The following PLXDC2 variants were observed in gnomAD, a reference collection of about 807,000 sequenced individuals.
PLXDC2 encodes the protein plexin domain-containing protein 2.
A neutral mutation model predicts 68.9 loss-of-function variants in PLXDC2; 40 were observed. The ratio of observed to expected loss-of-function variants is 0.58; its 90% CI spans 0.45 to 0.76. The LOEUF (loss-of-function observed/expected upper bound fraction) is 0.76, where lower values mean the gene tolerates loss of function less well. Ranked by LOEUF, PLXDC2 falls within the 30% of genes least tolerant of loss-of-function variation. PLXDC2 has a pLI of 0.00. For missense variants in PLXDC2, 644 were observed against 661.9 expected (o/e 0.97, Z 0.30); for synonymous variants, 243 against 234.2 (o/e 1.04, Z -0.34).
At chr10:20,147,054 A>C (rs1019395350) in intron 5 of PLXDC2, among the ~76,000 whole-genome samples, 6 of 152,166 alleles carry the variant, frequency 3.9e-5, no homozygotes, top group African/African-American at 1.4e-4. Flanking sequence ...TAAAACAAAA[A>C]TTTGAATTCT....
chr10:19,872,826 A>T (rs1259682031), intron 1 of PLXDC2, among the ~76,000 whole-genome samples: 1 of 151,880 alleles, frequency 6.6e-6, no homozygotes, highest in Admixed American at 6.6e-5. Flanking sequence ...ACCCAAATGT[A>T]AAAAAAACAC....
chr10:20,033,427 G>A (rs1401474607), intron 2 of PLXDC2, among the ~76,000 whole-genome samples: 1 of 152,064 alleles, frequency 6.6e-6, no homozygotes, highest in East Asian at 1.9e-4. Flanking sequence ...GGCATTCCAA[G>A]TATTATAGCA....
chr10:20,025,270 T>G (rs1271737743), intron 2 of PLXDC2, among the ~76,000 whole-genome samples: 1 of 12,422 alleles, frequency 8.1e-5, no homozygotes, highest in African/African-American at 7.4e-4. Flanking sequence ...TTTTTCGACT[T>G]TTTTTTTTTT....
At chr10:19,949,577 G>A (rs191585339) in intron 1 of PLXDC2, among the ~76,000 whole-genome samples, 2 of 152,280 alleles carry the variant, frequency 1.3e-5, no homozygotes, top group East Asian at 3.9e-4. Flanking sequence ...ATGGTGCTTG[G>A]TAAATGCAGC....
intron 4 of PLXDC2, among the ~76,000 whole-genome samples, chr10:20,098,472 T>A (rs1468466542): frequency 6.6e-6 from 1 of 152,022 alleles, no homozygotes; most frequent in Non-Finnish European, 1.5e-5. Context: ...TCCAGGATGT[T>A]CTCCCCATCT....
intron 12 of PLXDC2, among the ~76,000 whole-genome samples, chr10:20,227,571 G>C (rs1835302576): frequency 6.6e-6 from 1 of 152,072 alleles, no homozygotes; most frequent in South Asian, 2.1e-4. Context: ...TTTAAGGCTG[G>C]TGAGGCTGAG....
chr10:20,149,214 C>CTTTTT (rs71200985), intron 6 of PLXDC2, among the ~76,000 whole-genome samples: 3 of 112,386 alleles, frequency 2.7e-5, no homozygotes, highest in African/African-American at 6.9e-5. Flanking sequence ...ATTTTTCTTT[C>CTTTTT]TTTTTTTTTC....
At chr10:20,020,810 T>C (rs906476741) in intron 2 of PLXDC2, among the ~76,000 whole-genome samples, 5 of 152,156 alleles carry the variant, frequency 3.3e-5, no homozygotes, top group African/African-American at 1.2e-4. Context: ...GTCCTTTTTT[T>C]CCTTATACCC....
chr10:19,903,882 C>T (rs1393219844), intron 1 of PLXDC2, among the ~76,000 whole-genome samples: 1 of 151,980 alleles, frequency 6.6e-6, no homozygotes, highest in Admixed American at 6.6e-5. Context: ...TAGGATGTGT[C>T]ACTATTATCG....
intron 12 of PLXDC2, among the ~76,000 whole-genome samples, chr10:20,242,591 T>A (rs1020990766): frequency 6.6e-6 from 1 of 152,180 alleles, no homozygotes; most frequent in African/African-American, 2.4e-5. Context: ...TATTTTTATC[T>A]TTTTCCTTCC....
At chr10:19,825,710 A>T (rs1337647516) in intron 1 of PLXDC2, among the ~76,000 whole-genome samples, 3 of 152,228 alleles carry the variant, frequency 2.0e-5, no homozygotes, top group Admixed American at 6.5e-5. Flanking sequence ...TGTACCAATA[A>T]TGATGAGTTT....
chr10:19,831,522 T>C (rs772280349), intron 1 of PLXDC2, among the ~76,000 whole-genome samples: 1 of 152,150 alleles, frequency 6.6e-6, no homozygotes, highest in Admixed American at 6.5e-5. Context: ...GTACAGATTA[T>C]TTTGTCACCC....
At chr10:19,944,887 G>C (rs1298264203) in intron 1 of PLXDC2, among the ~76,000 whole-genome samples, 1 of 152,198 alleles carries the variant, frequency 6.6e-6, no homozygotes, top group African/African-American at 2.4e-5. Flanking sequence ...GGAAGGCGGA[G>C]GTTGCAGTGA....
intron 9 of PLXDC2, among the ~76,000 whole-genome samples, chr10:20,205,824 A>G (rs1834983458): frequency 6.6e-6 from 1 of 152,102 alleles, no homozygotes; most frequent in South Asian, 2.1e-4. Flanking sequence ...ACAGGCTTAG[A>G]AAGGGAAAAT....
At chr10:20,251,877 TAAG>T (rs1835680080) in intron 13 of PLXDC2, among the ~76,000 whole-genome samples, 1 of 151,632 alleles carries the variant, frequency 6.6e-6, no homozygotes, top group African/African-American at 2.4e-5. Context: ...GAGAAATTGA[TAAG>T]AACCTCATGA....
chr10:19,984,344 C>G (rs1345633731), intron 1 of PLXDC2, among the ~76,000 whole-genome samples: 2 of 152,122 alleles, frequency 1.3e-5, no homozygotes, highest in Non-Finnish European at 2.9e-5. Context: ...AACCTGAGGT[C>G]TGAAGACCCA....
chr10:20,079,435 A>T (rs1232182567), intron 4 of PLXDC2, among the ~76,000 whole-genome samples: 1 of 152,208 alleles, frequency 6.6e-6, no homozygotes. Flanking sequence ...ACCATTGTGG[A>T]AGACAGTGTG....
chr10:19,897,944 A>G (rs1838088873), intron 1 of PLXDC2, among the ~76,000 whole-genome samples: 1 of 152,182 alleles, frequency 6.6e-6, no homozygotes, highest in African/African-American at 2.4e-5. Flanking sequence ...TATCATGTTT[A>G]TCTTCTTCTG....
intron 1 of PLXDC2, among the ~76,000 whole-genome samples, chr10:19,986,045 T>C (rs1418884929): frequency 6.6e-6 from 1 of 152,188 alleles, no homozygotes; most frequent in Non-Finnish European, 1.5e-5. Context: ...CTGGGAAGCC[T>C]TTGGAAAGCT....
Sources: allele counts gnomAD v4.1 joint callset (sites outside exome capture counted in the v4.1 genomes callset), GRCh38; gene constraint gnomAD v4.1.1; transcripts MANE v1.5; gene names NCBI Gene and HGNC (gene_info 2026-07-23, HGNC 2026-07-21).